The following GPR180 variants were observed in gnomAD, a reference collection of about 807,000 sequenced individuals.
The protein encoded by GPR180 is G protein-coupled receptor 180, also known as integral membrane protein GPR180.
A neutral mutation model predicts 52.6 loss-of-function variants in GPR180; 53 were observed. That is an observed-to-expected ratio of 1.01 (90% confidence interval 0.81 to 1.27). The LOEUF (loss-of-function observed/expected upper bound fraction) is 1.27, where lower values mean the gene tolerates loss of function less well. GPR180 is among the 50% of genes most tolerant of loss of function. The pLI, the probability that GPR180 is intolerant of heterozygous loss-of-function variation, is 0.00. For synonymous variants in GPR180, 200 were observed against 193.1 expected (o/e 1.04, Z -0.30); for missense variants, 533 against 527.0 (o/e 1.01, Z -0.11).
intron 7 of GPR180, among the ~76,000 whole-genome samples, chr13:94,624,346 A>C (rs114987378): frequency 2.0e-5 from 3 of 152,094 alleles, no homozygotes; most frequent in African/African-American, 7.2e-5. Context: ...TGAGGCAGCT[A>C]TGGAAGGAGA....
Position 94,633,550 on chromosome 13 carries a change from A to G in GPR180, c.*6379A>G, listed in dbSNP as rs1026724820. Reference sequence around the variant, plus strand: ...GTTAACATATTTTTCCCACTTTTCTATTGGGTTGGTTGTCTTTTTCTTATT... The same window carrying G: ...GTTAACATATTTTTCCCACTTTTCTGTTGGGTTGGTTGTCTTTTTCTTATT... On this transcript the variant is annotated 3_prime_UTR_variant, in exon 9 of 9. Coordinates refer to ENST00000376958, the MANE Select transcript of GPR180 (RefSeq NM_180989.6). 6.6e-6 allele frequency: 1 copy of G among 151,448 alleles called. No homozygotes were observed. The highest frequency in any genetic ancestry group is 2.1e-4 in the South Asian group (1 of 4,794). 9.4% of individuals were successfully genotyped at this position (151,448 alleles called of 1,614,324 possible). A position where few individuals can be genotyped will look rare whatever the true frequency, so the allele number is the denominator to read the frequency against.
rs1889964838 is a variant in GPR180, at chr13:94,629,342, A to G, written c.*2171A>G. On this transcript the variant is annotated 3_prime_UTR_variant, in exon 9 of 9. Transcript: ENST00000376958. ...TTTTACATTTTTTGAAAGAAGATAA[A>G]TGGTTCATCCAGAGCTTTATTAAGA... 6.6e-6 allele frequency: 1 copy of G among 152,284 alleles called. No homozygotes were observed. Among genetic ancestry groups the G allele is most frequent in the Admixed American group, 6.5e-5 (1 of 15,298 alleles). The allele number at this position is 152,284 out of a possible 1,614,324, so 9.4% of individuals were successfully genotyped here.
Position 94,623,187 on chromosome 13 carries a change from C to T in GPR180, c.973C>T (p.Leu325Phe), listed in dbSNP as rs1178647695. The T allele has an allele frequency of 1.2e-6, 2 of 1,613,824 alleles. No individual in the cohort carries two copies. Among genetic ancestry groups the T allele is most frequent in the African/African-American group, 1.3e-5 (1 of 75,020 alleles). The change falls in exon 7 of 9, where the codon CTC (leucine) becomes TTC (phenylalanine). Residue 325 changes from leucine to phenylalanine, a missense_variant. By Grantham distance (22) the Leu-to-Phe change is conservative. Coordinates refer to ENST00000376958, the MANE Select transcript of GPR180 (RefSeq NM_180989.6). The stretch of plus-strand genomic sequence containing the variant: ...TTCACACCACAACTTAGCAGGGATC[C>T]TCCTAATTGTTCTAAGAATTTGCCT... The part of the protein sequence containing the change: ...YHSHHNLAGI[L>F]LIVLRICLAL...
chr13:94,603,906 C>T (rs1594469725), intron 1 of GPR180, among the ~76,000 whole-genome samples: 3 of 152,204 alleles, frequency 2.0e-5, no homozygotes, highest in Non-Finnish European at 4.4e-5. Flanking sequence ...ATTCTGTATT[C>T]ATCTTACAAC....
intron 5 of GPR180, among the ~76,000 whole-genome samples, chr13:94,620,059 CATCTT>C (rs1889832421): frequency 6.6e-6 from 1 of 152,148 alleles, no homozygotes; most frequent in Non-Finnish European, 1.5e-5. Flanking sequence ...TACATTCTCT[CATCTT>C]ATCCTCAATA....
chr13:94,607,200 TC>T (rs1319853085), intron 2 of GPR180, among the ~76,000 whole-genome samples: 6 of 150,978 alleles, frequency 4.0e-5, no homozygotes, highest in African/African-American at 1.5e-4. Flanking sequence ...CTTTTAAATA[TC>T]TCTTGAATTC....
At chr13:94,623,925 A>G (rs1889889350) in intron 7 of GPR180, among the ~76,000 whole-genome samples, 1 of 152,144 alleles carries the variant, frequency 6.6e-6, no homozygotes, top group African/African-American at 2.4e-5. Flanking sequence ...AAAATCAAAT[A>G]TGGTTTGGAT....
chr13:94,606,642 A>G (rs1256634460), intron 2 of GPR180, among the ~76,000 whole-genome samples: 1 of 152,194 alleles, frequency 6.6e-6, no homozygotes, highest in Non-Finnish European at 1.5e-5. Context: ...GGAACATGGT[A>G]GTCTCTTCTC....
At position 94,632,287 on chromosome 13, in the gene GPR180, A is replaced by C. The variant is rs947928313; in HGVS notation, c.*5116A>C. ...CAGAAAGTTGAAAAAGGTGGGGAAAAGAAGTCCTTCTCTCACTCATTTCCC... is the reference window on the plus strand; with the variant it reads ...CAGAAAGTTGAAAAAGGTGGGGAAACGAAGTCCTTCTCTCACTCATTTCCC... On this transcript the variant is annotated 3_prime_UTR_variant, in exon 9 of 9. Coordinates refer to ENST00000376958, the MANE Select transcript of GPR180 (RefSeq NM_180989.6). The C allele has an allele frequency of 2.0e-5, 3 of 152,216 alleles. No homozygotes were observed. Among genetic ancestry groups the C allele is most frequent in the Admixed American group, 2.0e-4 (3 of 15,284 alleles). 9.4% of individuals were successfully genotyped at this position (152,216 alleles called of 1,614,324 possible).
intron 2 of GPR180, among the ~76,000 whole-genome samples, 192 bp downstream of exon 2, chr13:94,605,741 A>G (rs1265798966): frequency 5.3e-5 from 8 of 152,180 alleles, no homozygotes; most frequent in Non-Finnish European, 2.9e-5. Context: ...TTTTGAAAAA[A>G]AAATCCAGAT....
Position 94,602,012 on chromosome 13 carries a change from T to C in GPR180, c.85T>C (p.Phe29Leu). ...GSQGKTLRGS[F>L]SSTAAQDAQG... Reference sequence around the variant, plus strand: ...CCAGGGTAAGACCCTGCGGGGCAGCTTCAGCAGCACCGCGGCCCAGGACGC... The same window carrying C: ...CCAGGGTAAGACCCTGCGGGGCAGCCTCAGCAGCACCGCGGCCCAGGACGC... The change falls in exon 1 of 9, where the codon TTC becomes CTC. Residue 29 changes from phenylalanine (F) to leucine (L), a missense_variant. Transcript: ENST00000376958. 6.8e-7 allele frequency: 1 copy of C among 1,472,752 alleles called. No individual in the cohort carries two copies. The allele number at this position is 1,472,752 out of a possible 1,614,324, so 91.2% of individuals were successfully genotyped here. A position where few individuals can be genotyped will look rare whatever the true frequency, so the allele number is the denominator to read the frequency against.
intron 3 of GPR180, among the ~76,000 whole-genome samples, chr13:94,618,403 C>T (rs1401594548): frequency 1.7e-5 from 2 of 120,976 alleles, no homozygotes; most frequent in Non-Finnish European, 3.2e-5. Context: ...GGCATGGAGT[C>T]GCATGATCAG....
At chr13:94,614,632 G>A (rs1174063453) in intron 3 of GPR180, among the ~76,000 whole-genome samples, 4 of 152,092 alleles carry the variant, frequency 2.6e-5, no homozygotes, top group Non-Finnish European at 5.9e-5. Flanking sequence ...TCTTTATGAT[G>A]CATACTAACC....
intron 2 of GPR180, among the ~76,000 whole-genome samples, chr13:94,610,497 T>C (rs552948982): frequency 6.6e-6 from 1 of 152,306 alleles, no homozygotes; most frequent in East Asian, 1.9e-4. Context: ...GCAGGTATCT[T>C]TATTTGACTA....
intron 8 of GPR180, 125 bp from the exon 9 acceptor site, chr13:94,626,888 C>T: frequency 2.8e-6 from 2 of 716,362 alleles, no homozygotes; most frequent in South Asian, 3.3e-5. Flanking sequence ...TAAAATGTAC[C>T]TATGGTAAAG....
Position 94,601,864 on chromosome 13 carries a change from G to T in GPR180, c.-64G>T. On this transcript the variant is annotated 5_prime_UTR_variant, in exon 1 of 9. Transcript: ENST00000376958. The stretch of plus-strand genomic sequence containing the variant: ...GCCCACCCCGCCTCCCCCAGCTGCC[G>T]ACGTGGGGCGGGCAGCCGCCGGCGG... The T allele has an allele frequency of 1.5e-6, 2 of 1,326,228 alleles. No homozygotes were observed. The highest frequency in any genetic ancestry group is 3.8e-5 in the South Asian group (2 of 52,776). 82.2% of individuals were successfully genotyped at this position (1,326,228 alleles called of 1,614,324 possible).
At position 94,629,595 on chromosome 13, in the gene GPR180, A is replaced by G. The variant is rs1889967675; in HGVS notation, c.*2424A>G. On this transcript the variant is annotated 3_prime_UTR_variant, in exon 9 of 9. Coordinates refer to ENST00000376958, the MANE Select transcript of GPR180 (RefSeq NM_180989.6). The stretch of plus-strand genomic sequence containing the variant: ...CCACTTTACCTTCATGATTTAAGGA[A>G]CATGTATTAGCTGTGTTTTAGTGAG... The G allele has an allele frequency of 6.6e-6, 1 of 152,202 alleles. No homozygotes were observed. The highest frequency in any genetic ancestry group is 2.4e-5 in the African/African-American group (1 of 41,458). 9.4% of individuals were successfully genotyped at this position (152,202 alleles called of 1,614,324 possible). A position where few individuals can be genotyped will look rare whatever the true frequency, so the allele number is the denominator to read the frequency against.
In GPR180 at chr13:94,627,746, C is replaced by T. The variant is rs1269384015; in HGVS notation, c.*575C>T. ...TTTATTTGTGGGTGGAGTTATTCTC[C>T]AATTTTTTCTGCCATTTTTGGCTCT... On this transcript the variant is annotated 3_prime_UTR_variant, in exon 9 of 9. Coordinates refer to ENST00000376958, the MANE Select transcript of GPR180 (RefSeq NM_180989.6). The T allele has an allele frequency of 6.6e-6, 1 of 151,912 alleles. No homozygotes were observed. The highest frequency in any genetic ancestry group is 2.4e-5 in the African/African-American group (1 of 41,404). 9.4% of individuals were successfully genotyped at this position (151,912 alleles called of 1,614,324 possible).
intron 5 of GPR180, 134 bp from the exon 6 acceptor site, chr13:94,620,944 T>C: frequency 1.4e-6 from 1 of 718,678 alleles, no homozygotes; most frequent in East Asian, 2.9e-5. Flanking sequence ...TCTTAATGAA[T>C]TTCGTTAGCT....
Sources: gnomAD v4.1 joint callset for allele counts (sites outside exome capture counted in the v4.1 genomes callset) on GRCh38, gnomAD v4.1.1 for gene constraint, MANE v1.5 for transcripts, NCBI Gene and HGNC (gene_info 2026-07-23, HGNC 2026-07-21) for gene names.